Variants in PEX13 observed in about 807,000 individuals in gnomAD.
PEX13 encodes peroxisomal biogenesis factor 13.
Under a neutral mutation model 34.5 loss-of-function variants are expected in PEX13, and 28 were observed. The ratio of observed to expected loss-of-function variants is 0.81; its 90% CI spans 0.60 to 1.11. The LOEUF is 1.11. Among genes scored for constraint, PEX13 ranks in the 50% most tolerant of loss-of-function variants. PEX13 has a pLI of 0.00. For missense variants in PEX13, 550 were observed against 491.0 expected, an observed-to-expected ratio of 1.12 and a Z score of -1.13; for synonymous variants, 177 against 175.1, an observed-to-expected ratio of 1.01 and a Z score of -0.09.
chr2:61,035,156 C>T (rs1680515213), intron 2 of PEX13, among the ~76,000 whole-genome samples: 1 of 152,166 alleles, frequency 6.6e-6, no homozygotes, highest in South Asian at 2.1e-4. Context: ...GTTCTACAGC[C>T]TCTGCTGGTG....
intron 1 of PEX13, chr2:61,018,092 C>G: frequency 6.5e-7 from 1 of 1,538,594 alleles, no homozygotes; most frequent in Non-Finnish European, 8.8e-7. Flanking sequence ...CTGGGCGTCT[C>G]TCTGGGTCTC....
chr2:61,033,976 TTTTTTTGTTTTG>T (rs1186724491), intron 2 of PEX13, among the ~76,000 whole-genome samples: 1 of 149,728 alleles, frequency 6.7e-6, no homozygotes, highest in Non-Finnish European at 1.5e-5. Context: ...CTTAGGTGTT[TTTTTTTGTTTTG>T]TTTTTTGTTT....
intron 1 of PEX13, chr2:61,018,240 A>C: frequency 4.5e-6 from 7 of 1,551,152 alleles, no homozygotes; most frequent in Non-Finnish European, 6.1e-6. Context: ...CGGCATCGAC[A>C]GGGAGCAAAG....
chr2:61,022,050 A>G (rs1384949746), intron 1 of PEX13, among the ~76,000 whole-genome samples: 1 of 152,236 alleles, frequency 6.6e-6, no homozygotes, highest in African/African-American at 2.4e-5. Flanking sequence ...CCAAAGGTAG[A>G]TAAAACCACA....
chr2:61,032,071 C>G lies in PEX13; in HGVS notation c.745C>G (p.Leu249Val). 6.2e-7 allele frequency: 1 copy of G among 1,613,722 alleles called. No homozygotes were observed. Among genetic ancestry groups the G allele is most frequent in the Non-Finnish European group, 8.5e-7 (1 of 1,179,836 alleles). The change falls in exon 2 of 4, where the codon CTC (leucine) becomes GTC (valine). Residue 249 changes from leucine to valine, a missense_variant. Transcript: ENST00000295030. ...FFAVILGGPY[L>V]IWKLLSTHSD... Reference sequence around the variant, plus strand: ...TGCTGTTATCCTTGGTGGTCCTTACCTCATTTGGAAACTATTGTCTACTCA... The same window carrying G: ...TGCTGTTATCCTTGGTGGTCCTTACGTCATTTGGAAACTATTGTCTACTCA...
chr2:61,017,907 A>C, intron 1 of PEX13, 56 bp downstream of exon 1: 1 of 1,511,356 alleles, frequency 6.6e-7, no homozygotes, highest in Non-Finnish European at 9.0e-7. Context: ...GGGACTTGGC[A>C]GGAGGCGGTT....
intron 3 of PEX13, among the ~76,000 whole-genome samples, chr2:61,048,243 T>G (rs1214232078): frequency 1.3e-5 from 2 of 152,214 alleles, no homozygotes; most frequent in East Asian, 3.8e-4. Context: ...AAACTTTATG[T>G]TCTTCAAGGT....
chr2:61,031,711 G>T lies in PEX13; in HGVS notation c.385G>T (p.Ala129Ser). The change falls in exon 2 of 4, where the codon GCA (alanine) becomes TCA (serine). Residue 129 changes from alanine (A) to serine (S), a missense_variant. Coordinates refer to ENST00000295030, the MANE Select transcript of PEX13 (RefSeq NM_002618.4). ...GCAAGCTGAAGAAAGCAGCAGGGGTGCATTTCAGTCCATTGAAAGTATTGT... is the reference window on the plus strand; with the variant it reads ...GCAAGCTGAAGAAAGCAGCAGGGGTTCATTTCAGTCCATTGAAAGTATTGT... ...VQQAEESSRGAFQSIESIVHA... is the reference protein window; with the variant it reads ...VQQAEESSRGSFQSIESIVHA... The T allele has an allele frequency of 6.2e-7, 1 of 1,614,212 alleles. No individual in the cohort carries two copies. Among genetic ancestry groups the T allele is most frequent in the Non-Finnish European group, 8.5e-7 (1 of 1,180,040 alleles).
Position 61,031,479 on chromosome 2 carries a change from G to T in PEX13, c.153G>T (p.Val51=). 6.2e-7 allele frequency: 1 copy of T among 1,614,172 alleles called. No individual in the cohort carries two copies. The highest frequency in any genetic ancestry group is 8.5e-7 in the Non-Finnish European group (1 of 1,180,036). Residue 51 remains valine (V), a synonymous_variant, in exon 2 of 4, where the codon GTG becomes GTT. Transcript: ENST00000295030. ...CTGGACAACCAGCACTTACCAGAGT[G>T]CCCCCACCTATTCTTCCAAGGCCAT... ...TRPGQPALTR[V]PPPILPRPSQ... is the part of the protein sequence containing the mutation.
At chr2:61,039,257 A>G (rs1051771255) in intron 2 of PEX13, among the ~76,000 whole-genome samples, 2 of 152,184 alleles carry the variant, frequency 1.3e-5, no homozygotes, top group African/African-American at 2.4e-5. Flanking sequence ...TAAAGTTCAT[A>G]TGGAACCAAA....
At chr2:61,037,914 A>G (rs1352376284) in intron 2 of PEX13, among the ~76,000 whole-genome samples, 2 of 152,222 alleles carry the variant, frequency 1.3e-5, no homozygotes, top group African/African-American at 4.8e-5. Context: ...AAAAAATGAT[A>G]AAAGGGGTAT....
intron 1 of PEX13, among the ~76,000 whole-genome samples, chr2:61,026,870 T>A (rs1680365824): frequency 6.6e-6 from 1 of 152,124 alleles, no homozygotes; most frequent in African/African-American, 2.4e-5. Flanking sequence ...TATTTCTTCA[T>A]GTGTGTGGCA....
At chr2:61,042,242 A>G (rs1573558983) in intron 2 of PEX13, among the ~76,000 whole-genome samples, 1 of 152,192 alleles carries the variant, frequency 6.6e-6, no homozygotes, top group South Asian at 2.1e-4. Flanking sequence ...CTGCTTTTCC[A>G]CTGTAACAGT....
Position 61,048,694 on chromosome 2 carries a change from C to A in PEX13, c.1136C>A (p.Ser379Tyr). 2 of 1,613,916 alleles carry A rather than the reference C, an allele frequency of 1.2e-6. No individual in the cohort carries two copies. Among genetic ancestry groups the A allele is most frequent in the Non-Finnish European group, 1.7e-6 (2 of 1,179,760 alleles). ...SLDEQEAAFESVFVETNKVPV... is the reference protein window; with the variant it reads ...SLDEQEAAFEYVFVETNKVPV... ...GATGAACAGGAAGCTGCCTTTGAAT[C>A]TGTTTTTGTTGAAACTAATAAGGTT... Residue 379 changes from serine (S) to tyrosine (Y), a missense_variant, in exon 4 of 4, where the codon TCT becomes TAT. By Grantham distance (144) the Ser-to-Tyr change is moderately radical. Coordinates refer to ENST00000295030, the MANE Select transcript of PEX13 (RefSeq NM_002618.4).
intron 3 of PEX13, among the ~76,000 whole-genome samples, chr2:61,046,759 A>T (rs1680709442): frequency 6.6e-6 from 1 of 152,176 alleles, no homozygotes; most frequent in Non-Finnish European, 1.5e-5. Context: ...TGCTTTTAAC[A>T]ACTCTGGCTG....
At chr2:61,033,825 A>G (rs2104804870) in intron 2 of PEX13, among the ~76,000 whole-genome samples, 1 of 152,304 alleles carries the variant, frequency 6.6e-6, no homozygotes, top group East Asian at 1.9e-4. Context: ...GAAGGAGGCC[A>G]GTGTGATTGG....
At chr2:61,039,657 C>T (rs1680589988) in intron 2 of PEX13, among the ~76,000 whole-genome samples, 2 of 152,074 alleles carry the variant, frequency 1.3e-5, no homozygotes, top group Non-Finnish European at 2.9e-5. Context: ...AAAGCCTAAG[C>T]AACACCTTCA....
At position 61,031,915 on chromosome 2, in the gene PEX13, C is replaced by T. The variant is rs903847229; in HGVS notation, c.589C>T (p.Arg197Trp). 23 of 1,613,764 alleles carry T rather than the reference C, an allele frequency of 1.4e-5. No homozygotes were observed. Among genetic ancestry groups the T allele is most frequent in the African/African-American group, 6.7e-5 (5 of 74,894 alleles). Residue 197 changes from arginine (R) to tryptophan (W), a missense_variant, in exon 2 of 4, where the codon CGG becomes TGG. Coordinates refer to ENST00000295030, the MANE Select transcript of PEX13 (RefSeq NM_002618.4). ...ACGGTATCTTTACAGACGGCTACAG[C>T]GGATGTTAGGTTTAAGAAGAGGCTC... is the stretch of plus-strand genomic sequence containing the variant. ...TIRYLYRRLQRMLGLRRGSEN... is the reference protein window; with the variant it reads ...TIRYLYRRLQWMLGLRRGSEN...
intron 2 of PEX13, among the ~76,000 whole-genome samples, chr2:61,038,373 C>T (rs904311771): frequency 1.3e-5 from 2 of 152,072 alleles, no homozygotes; most frequent in Non-Finnish European, 2.9e-5. Context: ...ATTGGCCAAC[C>T]GAATCCAGCA....
Sources: gnomAD v4.1 joint callset for allele counts (sites outside exome capture counted in the v4.1 genomes callset) on GRCh38, gnomAD v4.1.1 for gene constraint, MANE v1.5 for transcripts, NCBI Gene and HGNC (gene_info 2026-07-23, HGNC 2026-07-21) for gene names.